KCNIP4: variants seen among roughly 807,000 people sequenced by gnomAD.
The protein encoded by KCNIP4 is Kv channel-interacting protein 4.
KCNIP4 carries 12 observed loss-of-function variants against 34.0 expected under a neutral mutation model. The observed-to-expected ratio is 0.35, with a 90% confidence interval of 0.23 to 0.57. The LOEUF (loss-of-function observed/expected upper bound fraction) is 0.57, where lower values mean the gene tolerates loss of function less well. Among genes scored for constraint, KCNIP4 ranks in the 20% least tolerant of loss-of-function variants. The probability of loss-of-function intolerance (pLI) is 0.83; values close to 1 mark genes in which losing one functional copy is unlikely to be tolerated. For synonymous variants in KCNIP4, 124 were observed against 102.2 expected, an observed-to-expected ratio of 1.21 and a Z score of -1.29; for missense variants, 238 against 311.7, an observed-to-expected ratio of 0.76 and a Z score of 1.78.
At chr4:21,475,000 C>CAAAAAAAAA (rs10681441) in intron 1 of KCNIP4, among the ~76,000 whole-genome samples, 5 of 105,686 alleles carry the variant, frequency 4.7e-5, no homozygotes, top group East Asian at 5.3e-4. Context: ...GACTCCATCT[C>CAAAAAAAAA]GAAAAACAAA....
chr4:21,120,129 C>T (rs116655958), intron 1 of KCNIP4, among the ~76,000 whole-genome samples: 2,877 of 152,222 alleles, frequency 0.019, 53 homozygotes, highest in Non-Finnish European at 0.026. Flanking sequence ...TTCTAGACAT[C>T]GGGAAATCTG....
In KCNIP4 at chr4:21,462,907, T is replaced by A. The variant is rs188171350; in HGVS notation, c.61+485664A>T. Among the ~76,000 whole-genome samples, 1,225 of 152,118 alleles carry A rather than the reference T, an allele frequency of 8.1e-3. 15 individuals are homozygous for A. The highest frequency in any genetic ancestry group is 0.028 in the African/African-American group (1,178 of 41,480). On this transcript the variant is annotated intron_variant, in intron 1 of 8. Transcript: ENST00000382152. ...TCCATTTATTTATTCATTTTATTTA[T>A]CCATAAATGTTAATGAACATTTAGG...
rs865901182 is a variant in KCNIP4, at chr4:21,219,651, G to A, written c.62-336942C>T. ...AAAGGGGACACGATTAAATTGTAAG[G>A]AGACCTCAGAGAAATGGGAGGAGAG... On this transcript the variant is annotated intron_variant, in intron 1 of 8. Coordinates refer to ENST00000382152, the MANE Select transcript of KCNIP4 (RefSeq NM_025221.6). Among the ~76,000 whole-genome samples, 20 of 152,236 alleles carry A rather than the reference G, an allele frequency of 1.3e-4. No homozygotes were observed. In the South Asian group the frequency reaches 2.7e-3, roughly 21 times the overall value.
At chr4:21,737,378 C>T (rs540290482) in intron 1 of KCNIP4, among the ~76,000 whole-genome samples, 28 of 151,372 alleles carry the variant, frequency 1.8e-4, no homozygotes, top group Non-Finnish European at 3.7e-4. Context: ...TTTTTAATGG[C>T]CCAAAATATG....
At chr4:21,858,906 G>C (rs1450110288) in intron 1 of KCNIP4, among the ~76,000 whole-genome samples, 1 of 152,092 alleles carries the variant, frequency 6.6e-6, no homozygotes, top group Non-Finnish European at 1.5e-5. Flanking sequence ...ATTGTTTATA[G>C]TTCTTAGGCT....
chr4:21,046,561 G>A (rs1742434137), intron 1 of KCNIP4, among the ~76,000 whole-genome samples: 2 of 106,476 alleles, frequency 1.9e-5, no homozygotes, highest in Non-Finnish European at 3.8e-5. Context: ...AACTGTTGAG[G>A]GACAGAGTTA....
chr4:21,691,086 A>C (rs1385743188), intron 1 of KCNIP4, among the ~76,000 whole-genome samples: 1 of 152,186 alleles, frequency 6.6e-6, no homozygotes, highest in Non-Finnish European at 1.5e-5. Flanking sequence ...ACTGTGAGTA[A>C]TTTTAAATAA....
At chr4:20,779,132 C>T (rs1756625160) in intron 3 of KCNIP4, among the ~76,000 whole-genome samples, 1 of 152,030 alleles carries the variant, frequency 6.6e-6, no homozygotes, top group Non-Finnish European at 1.5e-5. Flanking sequence ...AAATAAATAC[C>T]AAACAGGTGC....
chr4:21,910,432 C>T (rs752752054), intron 1 of KCNIP4, among the ~76,000 whole-genome samples: 13 of 152,086 alleles, frequency 8.5e-5, no homozygotes, highest in Non-Finnish European at 1.3e-4. Context: ...GAAAACAAAA[C>T]CAAGCAGACT....
chr4:21,499,799 C>T (rs1373916509), intron 1 of KCNIP4, among the ~76,000 whole-genome samples: 1 of 152,084 alleles, frequency 6.6e-6, no homozygotes. Flanking sequence ...TTTGCATAGA[C>T]ACTTTGATTT....
At chr4:21,730,967 A>C (rs2109111249) in intron 1 of KCNIP4, among the ~76,000 whole-genome samples, 1 of 152,202 alleles carries the variant, frequency 6.6e-6, no homozygotes, top group Non-Finnish European at 1.5e-5. Flanking sequence ...ACAAAAAATT[A>C]GCCAGACGTG....
chr4:21,837,384 A>C (rs1347114111), intron 1 of KCNIP4, among the ~76,000 whole-genome samples: 2 of 150,446 alleles, frequency 1.3e-5, no homozygotes, highest in Non-Finnish European at 3.0e-5. Context: ...AAATACAAAA[A>C]TTTAGCTGGG....
chr4:21,032,266 G>C (rs915603162), intron 1 of KCNIP4, among the ~76,000 whole-genome samples: 3 of 152,136 alleles, frequency 2.0e-5, no homozygotes, highest in Non-Finnish European at 2.9e-5. Flanking sequence ...TTTGTGTTGT[G>C]TTTGCGCTGG....
At chr4:21,245,590 T>C (rs1760137261) in intron 1 of KCNIP4, among the ~76,000 whole-genome samples, 1 of 152,120 alleles carries the variant, frequency 6.6e-6, no homozygotes, top group Non-Finnish European at 1.5e-5. Context: ...TCATGGGTGA[T>C]ACATTTTTAA....
intron 3 of KCNIP4, among the ~76,000 whole-genome samples, chr4:20,842,359 G>C (rs1054192872): frequency 6.6e-6 from 1 of 152,090 alleles, no homozygotes; most frequent in Non-Finnish European, 1.5e-5. Flanking sequence ...GTGCACTTCA[G>C]CTGCAGGCAG....
At chr4:21,777,428 TG>T (rs1386122259) in intron 1 of KCNIP4, among the ~76,000 whole-genome samples, 1 of 152,144 alleles carries the variant, frequency 6.6e-6, no homozygotes, top group Admixed American at 6.6e-5. Flanking sequence ...CACCTTCATA[TG>T]GTGCCACAAA....
intron 3 of KCNIP4, among the ~76,000 whole-genome samples, chr4:20,838,356 T>A (rs1357501663): frequency 1.3e-5 from 2 of 152,184 alleles, no homozygotes; most frequent in African/African-American, 2.4e-5. Context: ...ATTAGCTGAA[T>A]CTAAGGAAAC....
At chr4:20,904,258 T>A (rs1320432615) in intron 1 of KCNIP4, among the ~76,000 whole-genome samples, 1 of 151,588 alleles carries the variant, frequency 6.6e-6, no homozygotes, top group East Asian at 1.9e-4. Flanking sequence ...TTTTTATCAA[T>A]GATTGATTTT....
chr4:21,411,091 GC>G (rs1724454368), intron 1 of KCNIP4, among the ~76,000 whole-genome samples: 1 of 152,184 alleles, frequency 6.6e-6, no homozygotes, highest in Admixed American at 6.5e-5. Flanking sequence ...CATTTTTTGA[GC>G]TAGAGTGACT....
Sources: gnomAD v4.1 joint callset for allele counts (sites outside exome capture counted in the v4.1 genomes callset) on GRCh38, gnomAD v4.1.1 for gene constraint, MANE v1.5 for transcripts, NCBI Gene and HGNC (gene_info 2026-07-23, HGNC 2026-07-21) for gene names.